Variants in LARP4B observed in about 807,000 individuals in gnomAD.
The protein encoded by LARP4B is La ribonucleoprotein 4B.
In LARP4B, 12 loss-of-function variants were observed where a neutral mutation model predicts 89.8. The ratio of observed to expected loss-of-function variants is 0.13; its 90% CI spans 0.09 to 0.22. LARP4B has a LOEUF of 0.22. Ranked by LOEUF, LARP4B falls within the 10% of genes least tolerant of loss-of-function variation. The pLI is 1.00. For missense variants in LARP4B, 757 were observed against 947.7 expected (o/e 0.80, Z 2.64); for synonymous variants, 367 against 363.3 (o/e 1.01, Z -0.12).
At chr10:831,008 T>C in intron 8 of LARP4B, 31 bp from the exon 9 acceptor site, 1 of 883,612 alleles carries the variant, frequency 1.1e-6, no homozygotes, top group Non-Finnish European at 1.8e-6. Flanking sequence ...AGAAATTAAT[T>C]CTCAACAATG....
intron 1 of LARP4B, among the ~76,000 whole-genome samples, chr10:893,448 A>AT (rs1564434563): frequency 6.6e-6 from 1 of 152,182 alleles, no homozygotes; most frequent in African/African-American, 2.4e-5. Flanking sequence ...CCACGTGGTC[A>AT]TTTTTTAAAA....
At chr10:840,404 G>A (rs1833466400) in intron 7 of LARP4B, among the ~76,000 whole-genome samples, 1 of 152,040 alleles carries the variant, frequency 6.6e-6, no homozygotes, top group African/African-American at 2.4e-5. Context: ...CTGTGCTTCA[G>A]CTTTACACAC....
the LARP4B span, among the ~76,000 whole-genome samples, chr10:936,974 G>A: frequency 6.6e-6 from 1 of 152,196 alleles, no homozygotes; most frequent in African/African-American, 2.4e-5. Context: ...AAAAATAGTA[G>A]CATTGAGGAA....
Position 813,025 on chromosome 10 carries a change from G to A in LARP4B, c.2118C>T (p.Pro706=). The A allele has an allele frequency of 1.2e-6, 2 of 1,609,752 alleles. No individual in the cohort carries two copies. Among genetic ancestry groups the A allele is most frequent in the Non-Finnish European group, 1.7e-6 (2 of 1,179,106 alleles). ...CCCCCGCCGGCCGCCTCTGGTCTCTGGGGGCTCCAGGTGTGGACTTGAGGG... is the reference window on the plus strand; with the variant it reads ...CCCCCGCCGGCCGCCTCTGGTCTCTAGGGGCTCCAGGTGTGGACTTGAGGG... ...PPALKSTPGA[P]RDQRRPAGGR... The change falls in exon 18 of 18, where the codon CCC becomes CCT. Residue 706 remains proline, a synonymous_variant. Transcript: ENST00000316157.
intron 1 of LARP4B, among the ~76,000 whole-genome samples, chr10:895,045 G>A (rs1218109091): frequency 6.6e-6 from 1 of 152,140 alleles, no homozygotes; most frequent in African/African-American, 2.4e-5. Flanking sequence ...AATTAGCTGC[G>A]CATGGCGGCG....
intron 17 of LARP4B, 107 bp from the exon 18 acceptor site, chr10:813,320 T>G (rs1417812753): frequency 8.5e-7 from 1 of 1,172,560 alleles, no homozygotes; most frequent in South Asian, 1.6e-5. Context: ...TAACTAAGTT[T>G]CCATCTTCAC....
At chr10:918,011 T>C (rs1836871919) in intron 1 of LARP4B, among the ~76,000 whole-genome samples, 1 of 152,228 alleles carries the variant, frequency 6.6e-6, no homozygotes, top group African/African-American at 2.4e-5. Context: ...TGAGTTTTTA[T>C]TGTTTTCCTA....
the LARP4B span, chr10:986,325 G>A: frequency 1.3e-5 from 2 of 152,382 alleles, no homozygotes; most frequent in African/African-American, 4.8e-5. Flanking sequence ...CGTCCTGGCA[G>A]CTGGAACCTG....
rs138722165 is a variant in LARP4B, at chr10:877,888, C to A, written c.141+6559G>T. Among the ~76,000 whole-genome samples the A allele has an allele frequency of 2.9e-3, 439 of 152,346 alleles. 1 individual carries two copies. Among genetic ancestry groups the A allele is most frequent in the African/African-American group, 9.7e-3 (402 of 41,574 alleles). ...CCAGGGAGACAAACACTAAATCTAA[C>A]AAATACCTAACATTGTTAGAAGGTG... On this transcript the variant is annotated intron_variant, in intron 3 of 17. Coordinates refer to ENST00000316157, the MANE Select transcript of LARP4B (RefSeq NM_015155.3).
intron 1 of LARP4B, among the ~76,000 whole-genome samples, chr10:887,319 T>C (rs1160531427): frequency 6.6e-6 from 1 of 151,862 alleles, no homozygotes; most frequent in Non-Finnish European, 1.5e-5. Context: ...GGTAAAACTA[T>C]ATGAAATGAT....
chr10:840,240 G>A (rs1262481081), intron 7 of LARP4B, among the ~76,000 whole-genome samples: 1 of 152,176 alleles, frequency 6.6e-6, no homozygotes, highest in Non-Finnish European at 1.5e-5. Context: ...TTTATGGTAT[G>A]TAAATTCTAC....
Position 903,297 on chromosome 10 carries a change from G to C in LARP4B, c.-39-17537C>G, listed in dbSNP as rs547239231. On this transcript the variant is annotated intron_variant, in intron 1 of 17. Coordinates refer to ENST00000316157, the MANE Select transcript of LARP4B (RefSeq NM_015155.3). ...GCAAACAAAGTATACCCAGAGTCCA[G>C]AGGAGGAAAAGGCAACTTCCTGTTG... The C allele has an allele frequency of 3.9e-5, 6 of 152,360 alleles. No individual in the cohort carries two copies. In the South Asian group the frequency reaches 1.0e-3, roughly 26 times the overall value. 9.4% of individuals were successfully genotyped at this position (152,360 alleles called of 1,614,324 possible).
At chr10:858,574 A>T (rs1436739691) in intron 5 of LARP4B, among the ~76,000 whole-genome samples, 1 of 152,264 alleles carries the variant, frequency 6.6e-6, no homozygotes, top group African/African-American at 2.4e-5. Flanking sequence ...AATTTTGTAC[A>T]TCAAAAGACA....
At chr10:931,385 C>G (rs1285475609) in intron 1 of LARP4B, 43 bp downstream of exon 1, 1 of 148,338 alleles carries the variant, frequency 6.7e-6, no homozygotes, top group Non-Finnish European at 1.5e-5. Flanking sequence ...CGGGTCCGAG[C>G]TGGGCCGGGA....
chr10:940,705 G>C, the LARP4B span, among the ~76,000 whole-genome samples: 1 of 152,250 alleles, frequency 6.6e-6, no homozygotes, highest in African/African-American at 2.4e-5. Context: ...GGAACCATTT[G>C]GACCAGAAGG....
At chr10:936,228 G>C (rs1206391119), upstream of LARP4B, among the ~76,000 whole-genome samples, 3 of 152,184 alleles carry the variant, frequency 2.0e-5, no homozygotes, top group South Asian at 2.1e-4. Flanking sequence ...TCACAGATGA[G>C]AAGCAGGTAA....
intron 3 of LARP4B, among the ~76,000 whole-genome samples, chr10:865,882 G>T (rs1377831909): frequency 2.0e-5 from 3 of 152,142 alleles, no homozygotes; most frequent in Admixed American, 2.0e-4. Flanking sequence ...CTGCAAGCTG[G>T]GAGCAGTTAC....
In LARP4B at chr10:829,861, T is replaced by A. The variant is rs2131661021; in HGVS notation, c.862-127A>T. ...TTATGGTGAACAGAACCTAGAATAATGATTCTTGACACTCCCTGGGTCACA... is the reference window on the plus strand; with the variant it reads ...TTATGGTGAACAGAACCTAGAATAAAGATTCTTGACACTCCCTGGGTCACA... On this transcript the variant is annotated intron_variant, in intron 9 of 17. Coordinates refer to ENST00000316157, the MANE Select transcript of LARP4B (RefSeq NM_015155.3). The A allele has an allele frequency of 4.3e-6, 3 of 690,430 alleles. No individual in the cohort carries two copies. In the East Asian group the frequency reaches 8.0e-5, roughly 18 times the overall value. 42.8% of individuals were successfully genotyped at this position (690,430 alleles called of 1,614,324 possible). A position where few individuals can be genotyped will look rare whatever the true frequency, so the allele number is the denominator to read the frequency against.
At chr10:916,388 A>AT (rs904109117) in intron 1 of LARP4B, among the ~76,000 whole-genome samples, 27 of 150,882 alleles carry the variant, frequency 1.8e-4, no homozygotes, top group Non-Finnish European at 2.4e-4. Context: ...ATGGAAAATA[A>AT]TTTTTTTTTT....
Sources: allele counts gnomAD v4.1 joint callset (sites outside exome capture counted in the v4.1 genomes callset), GRCh38; gene constraint gnomAD v4.1.1; transcripts MANE v1.5; gene names NCBI Gene and HGNC (gene_info 2026-07-23, HGNC 2026-07-21).